The following OSBPL1A variants were observed in gnomAD, a reference collection of about 807,000 sequenced individuals.
The protein encoded by OSBPL1A is oxysterol binding protein like 1A, also known as oxysterol-binding protein-related protein 1.
In OSBPL1A, 80 loss-of-function variants were observed where a neutral mutation model predicts 137.1. The observed-to-expected ratio is 0.58, with a 90% CI of 0.49 to 0.70. The LOEUF (loss-of-function observed/expected upper bound fraction) is 0.70, where lower values mean the gene tolerates loss of function less well. Among genes scored for constraint, OSBPL1A ranks in the 30% least tolerant of loss-of-function variants. The pLI is 0.00. For missense variants in OSBPL1A, 970 were observed against 1,129.4 expected (o/e 0.86, Z 2.02); for synonymous variants, 365 against 389.7 (o/e 0.94, Z 0.75).
intron 2 of OSBPL1A, among the ~76,000 whole-genome samples, chr18:24,370,181 G>A (rs879839343): frequency 3.9e-5 from 6 of 152,148 alleles, no homozygotes; most frequent in Non-Finnish European, 7.4e-5. Flanking sequence ...TGACTGCACC[G>A]CTGCATTCCA....
intron 17 of OSBPL1A, among the ~76,000 whole-genome samples, chr18:24,199,309 G>T (rs2087139353): frequency 6.6e-6 from 1 of 152,138 alleles, no homozygotes; most frequent in Admixed American, 6.5e-5. Flanking sequence ...GCGAACAGTG[G>T]GCACAAGGGG....
At chr18:24,281,005 T>A in intron 14 of OSBPL1A, 57 bp from the exon 15 acceptor site, 1 of 1,157,952 alleles carries the variant, frequency 8.6e-7, no homozygotes, top group African/African-American at 1.6e-5. Flanking sequence ...TAAGGTAAAC[T>A]AAGACCACAA....
At chr18:24,277,977 C>T (rs1398712754) in intron 15 of OSBPL1A, among the ~76,000 whole-genome samples, 1 of 152,178 alleles carries the variant, frequency 6.6e-6, no homozygotes, top group Non-Finnish European at 1.5e-5. Flanking sequence ...ACGCAGTATG[C>T]TAACATACTC....
chr18:24,174,061 G>C (rs184184466), intron 21 of OSBPL1A, among the ~76,000 whole-genome samples: 30 of 152,268 alleles, frequency 2.0e-4, no homozygotes, highest in African/African-American at 7.0e-4. Flanking sequence ...GTTGTTCTAC[G>C]TATCAGTCTT....
chr18:24,168,101 T>C (rs2145905494), intron 24 of OSBPL1A, among the ~76,000 whole-genome samples: 1 of 152,334 alleles, frequency 6.6e-6, no homozygotes, highest in South Asian at 2.1e-4. Context: ...CATTTGAGTA[T>C]TTATTTTTAA....
chr18:24,213,817 T>C (rs2087615113), intron 17 of OSBPL1A, among the ~76,000 whole-genome samples: 1 of 152,232 alleles, frequency 6.6e-6, no homozygotes, highest in Non-Finnish European at 1.5e-5. Flanking sequence ...TAAACTGATT[T>C]TCACAATGGA....
chr18:24,260,435 A>G (rs185969643), intron 15 of OSBPL1A, among the ~76,000 whole-genome samples: 6 of 152,384 alleles, frequency 3.9e-5, no homozygotes, highest in Admixed American at 6.5e-5. Flanking sequence ...ATATACAGAT[A>G]CAATGTGATA....
chr18:24,341,808 A>T, intron 4 of OSBPL1A, 150 bp from the exon 5 acceptor site: 1 of 495,114 alleles, frequency 2.0e-6, no homozygotes, highest in East Asian at 3.2e-5. Flanking sequence ...TAAATGAGTG[A>T]TTCAACTAAT....
chr18:24,177,790 C>T (rs951834093), intron 21 of OSBPL1A, among the ~76,000 whole-genome samples: 2 of 152,178 alleles, frequency 1.3e-5, no homozygotes, highest in Admixed American at 6.5e-5. Flanking sequence ...ATCCAAACAC[C>T]AGAGTCAAAA....
In OSBPL1A at chr18:24,252,809, G is replaced by C. The variant is rs141601636; in HGVS notation, c.1282-13427C>G. 2.9e-3 allele frequency among the ~76,000 whole-genome samples: 435 copies of C among 152,138 alleles called. 1 individual carries two copies. Among genetic ancestry groups the C allele is most frequent in the African/African-American group, 9.8e-3 (405 of 41,496 alleles). On this transcript the variant is annotated intron_variant, in intron 15 of 27. Coordinates refer to ENST00000319481, the MANE Select transcript of OSBPL1A (RefSeq NM_080597.4). ...TAAGACATAAAAAGGAACAAAAGAA[G>C]GTAAAAAGCCGGGAGAATGAAGTAA... is the stretch of plus-strand genomic sequence containing the variant.
intron 13 of OSBPL1A, among the ~76,000 whole-genome samples, chr18:24,310,868 C>G (rs1599649196): frequency 6.6e-6 from 1 of 151,942 alleles, no homozygotes; most frequent in East Asian, 1.9e-4. Context: ...TATTTTTTTA[C>G]TTGTTTAATG....
At chr18:24,185,562 G>A (rs144499450) in intron 18 of OSBPL1A, among the ~76,000 whole-genome samples, 7,779 of 151,890 alleles carry the variant, frequency 0.051, 384 homozygotes, top group African/African-American at 0.12. Context: ...CTCGTGATCC[G>A]CCCACCTCGG....
chr18:24,272,142 C>T, intron 15 of OSBPL1A: 1 of 984,108 alleles, frequency 1.0e-6, no homozygotes, highest in Non-Finnish European at 1.2e-6. Flanking sequence ...GGGGACTGCT[C>T]CTTGGGCTCT....
chr18:24,227,712 A>ACCT (rs1187931512), intron 16 of OSBPL1A, among the ~76,000 whole-genome samples: 1 of 152,074 alleles, frequency 6.6e-6, no homozygotes, highest in South Asian at 2.1e-4. Context: ...CAGGAACAAG[A>ACCT]CCTGCATCAG....
At chr18:24,316,740 G>A (rs538281789) in intron 11 of OSBPL1A, among the ~76,000 whole-genome samples, 66 of 152,216 alleles carry the variant, frequency 4.3e-4, no homozygotes, top group Non-Finnish European at 7.1e-4. Context: ...CAAAAGATCT[G>A]AATGCTATCA....
intron 15 of OSBPL1A, among the ~76,000 whole-genome samples, chr18:24,277,768 T>G (rs1316940646): frequency 6.6e-6 from 1 of 152,242 alleles, no homozygotes; most frequent in Non-Finnish European, 1.5e-5. Flanking sequence ...TTTGAAAGAC[T>G]AACTTTAGAA....
At chr18:24,321,806 G>T (rs1204875127) in intron 7 of OSBPL1A, 11 of 449,232 alleles carry the variant, frequency 2.4e-5, no homozygotes, top group Non-Finnish European at 4.5e-5. Flanking sequence ...TGTTTCACAA[G>T]AATTCAGGGA....
intron 17 of OSBPL1A, among the ~76,000 whole-genome samples, chr18:24,224,482 T>A (rs966533976): frequency 2.0e-5 from 3 of 152,182 alleles, no homozygotes; most frequent in African/African-American, 7.2e-5. Flanking sequence ...ATCTATTACG[T>A]CTCATTAATT....
Position 24,239,310 on chromosome 18 carries a change from T to C in OSBPL1A, c.1354A>G (p.Thr452Ala), listed in dbSNP as rs933636671. Residue 452 changes from threonine (T) to alanine (A), a missense_variant, in exon 16 of 28, where the codon ACT becomes GCT. Thr to Ala is a moderately conservative substitution (Grantham distance 58, BLOSUM62 0). Transcript: ENST00000319481. The part of the protein sequence containing the change: ...ILSEALETLA[T>A]EHHELEQSLV... Reference sequence around the variant, plus strand: ...GACTGCTCTAATTCATGATGTTCAGTGGCCAGCGTCTCCAGTGCTTCTGAC... The same window carrying C: ...GACTGCTCTAATTCATGATGTTCAGCGGCCAGCGTCTCCAGTGCTTCTGAC... 3.1e-6 allele frequency: 5 copies of C among 1,614,128 alleles called. No homozygotes were observed. Among genetic ancestry groups the C allele is most frequent in the Non-Finnish European group, 4.2e-6 (5 of 1,180,004 alleles).
Sources: gnomAD v4.1 joint callset for allele counts (sites outside exome capture counted in the v4.1 genomes callset) on GRCh38, gnomAD v4.1.1 for gene constraint, MANE v1.5 for transcripts, NCBI Gene and HGNC (gene_info 2026-07-23, HGNC 2026-07-21) for gene names.